USH2A: variants seen among roughly 807,000 people sequenced by gnomAD.
USH2A encodes the protein Usher syndrome 2A (autosomal recessive, mild).
In USH2A, 443 loss-of-function variants were observed where a neutral mutation model predicts 538.9. The ratio of observed to expected loss-of-function variants is 0.82; its 90% CI spans 0.76 to 0.89. The LOEUF (loss-of-function observed/expected upper bound fraction) is 0.89. Ranked by LOEUF, USH2A falls within the 40% of genes least tolerant of loss-of-function variation. The probability of loss-of-function intolerance (pLI) is 0.00; values close to 1 mark genes in which losing one functional copy is unlikely to be tolerated. For missense variants in USH2A, 6,633 were observed against 6,324.8 expected, an observed-to-expected ratio of 1.05 and a Z score of -1.65; for synonymous variants, 2,413 against 2,273.5, an observed-to-expected ratio of 1.06 and a Z score of -1.75.
intron 55 of USH2A, among the ~76,000 whole-genome samples, chr1:215,770,336 A>G (rs996763825): frequency 6.6e-6 from 1 of 152,118 alleles, no homozygotes; most frequent in African/African-American, 2.4e-5. Flanking sequence ...GGTAGAAACC[A>G]TTGCAGCTGC....
intron 32 of USH2A, among the ~76,000 whole-genome samples, chr1:216,004,218 G>A (rs1668338762): frequency 6.6e-6 from 1 of 152,262 alleles, no homozygotes; most frequent in African/African-American, 2.4e-5. Flanking sequence ...TACAGGAAGA[G>A]TTCATGGCTT....
rs114114470 is a variant in USH2A at position 215,701,927 on chromosome 1, T to G, written c.12067-21551A>C. 5.2e-3 allele frequency among the ~76,000 whole-genome samples: 793 copies of G among 152,226 alleles called. 7 individuals are homozygous for G. The highest frequency in any genetic ancestry group is 0.018 in the African/African-American group (754 of 41,528). On this transcript the variant is annotated intron_variant, in intron 61 of 71. Coordinates refer to ENST00000307340, the MANE Select transcript of USH2A (RefSeq NM_206933.4). ...TTGATAGTGTTGATCGTCTTTACATTTTGGTATGTTTCTGCAGTGGCTGGT... is the reference window on the plus strand; with the variant it reads ...TTGATAGTGTTGATCGTCTTTACATGTTGGTATGTTTCTGCAGTGGCTGGT...
At chr1:216,165,914 A>G (rs1173330591) in intron 21 of USH2A, among the ~76,000 whole-genome samples, 2 of 151,932 alleles carry the variant, frequency 1.3e-5, no homozygotes, top group Admixed American at 1.3e-4. Flanking sequence ...CATCACCTGA[A>G]CAGTGTACAC....
chr1:216,264,504 G>A (rs1284656920), intron 11 of USH2A, among the ~76,000 whole-genome samples: 1 of 152,046 alleles, frequency 6.6e-6, no homozygotes, highest in East Asian at 1.9e-4. Flanking sequence ...CGCCATGTTG[G>A]TCAGGCTGGT....
chr1:215,796,935 C>G (rs565309574), intron 50 of USH2A, among the ~76,000 whole-genome samples: 7 of 152,168 alleles, frequency 4.6e-5, no homozygotes, highest in Non-Finnish European at 1.0e-4. Flanking sequence ...TTCCCCTGGA[C>G]AGTATCTCTT....
chr1:215,897,200 G>A (rs1162771353), intron 40 of USH2A, among the ~76,000 whole-genome samples: 1 of 152,048 alleles, frequency 6.6e-6, no homozygotes, highest in Admixed American at 6.6e-5. Context: ...TGTGTCACAG[G>A]CTTGCTGAAA....
chr1:215,917,432 T>G (rs917294226), intron 38 of USH2A, among the ~76,000 whole-genome samples: 1 of 152,022 alleles, frequency 6.6e-6, no homozygotes, highest in Non-Finnish European at 1.5e-5. Flanking sequence ...ACAACAATAC[T>G]GTTCAATTAA....
At chr1:215,913,134 A>G (rs139117819) in intron 38 of USH2A, among the ~76,000 whole-genome samples, 65 of 152,212 alleles carry the variant, frequency 4.3e-4, no homozygotes, top group African/African-American at 1.6e-3. Flanking sequence ...ATATTCCCTG[A>G]AAAACTGATC....
chr1:215,793,800 C>T (rs563519258), intron 50 of USH2A, among the ~76,000 whole-genome samples: 36 of 152,244 alleles, frequency 2.4e-4, no homozygotes, highest in African/African-American at 8.4e-4. Flanking sequence ...TCAAAGGCCG[C>T]ATGGACAAAG....
intron 37 of USH2A, among the ~76,000 whole-genome samples, chr1:215,938,608 G>C (rs1196432265): frequency 6.6e-6 from 1 of 152,100 alleles, no homozygotes; most frequent in African/African-American, 2.4e-5. Context: ...TTCCTGTCTG[G>C]TTGGCCCTCC....
chr1:215,893,312 G>C (rs1665252058), intron 40 of USH2A, among the ~76,000 whole-genome samples: 1 of 152,084 alleles, frequency 6.6e-6, no homozygotes, highest in Non-Finnish European at 1.5e-5. Flanking sequence ...TTAATAACCA[G>C]CAGTTTTTAG....
At chr1:216,359,736 G>A (rs1468775565) in intron 4 of USH2A, among the ~76,000 whole-genome samples, 1 of 152,048 alleles carries the variant, frequency 6.6e-6, no homozygotes, top group Admixed American at 6.6e-5. Flanking sequence ...ATGTGCAAAT[G>A]ATAGGATTGT....
chr1:216,369,199 C>A (rs2038654984), intron 3 of USH2A, among the ~76,000 whole-genome samples: 1 of 152,054 alleles, frequency 6.6e-6, no homozygotes, highest in Non-Finnish European at 1.5e-5. Context: ...TAAAAAGATT[C>A]CACTATTCCA....
At chr1:216,097,528 C>G (rs981878369) in intron 21 of USH2A, among the ~76,000 whole-genome samples, 2 of 152,094 alleles carry the variant, frequency 1.3e-5, no homozygotes, top group African/African-American at 4.8e-5. Context: ...AATGTGAAAA[C>G]ATTATCAGAG....
rs375248093 is a variant in USH2A at position 216,277,798 on chromosome 1, TA to T, written c.1971+11481del. On this transcript the variant is annotated intron_variant, in intron 11 of 71. Transcript: ENST00000307340. ...ACACCTCTTTTGGACCAAAGCATTT[TA>T]AAAGTGGAAGTTGTTTTCCACATTG... 4.3e-3 allele frequency among the ~76,000 whole-genome samples: 656 copies of T among 152,070 alleles called. 7 individuals carry two copies. Among genetic ancestry groups the T allele is most frequent in the African/African-American group, 0.015 (627 of 41,404 alleles).
At chr1:215,723,385 C>A (rs1000745960) in intron 61 of USH2A, among the ~76,000 whole-genome samples, 1 of 152,190 alleles carries the variant, frequency 6.6e-6, no homozygotes, top group Non-Finnish European at 1.5e-5. Flanking sequence ...ACTGCCACCA[C>A]AAGCAGAATT....
intron 32 of USH2A, among the ~76,000 whole-genome samples, chr1:216,013,871 A>C: frequency 6.6e-6 from 1 of 152,288 alleles, no homozygotes; most frequent in East Asian, 1.9e-4. Flanking sequence ...CTCACATGAA[A>C]GTCACTACAA....
At chr1:215,979,228 C>G (rs796571604) in intron 35 of USH2A, among the ~76,000 whole-genome samples, 8 of 152,214 alleles carry the variant, frequency 5.3e-5, no homozygotes, top group African/African-American at 1.4e-4. Context: ...GAAAAACATG[C>G]CCCCCATAGT....
intron 37 of USH2A, among the ~76,000 whole-genome samples, chr1:215,961,200 G>A (rs1472782980): frequency 3.3e-5 from 5 of 151,948 alleles, no homozygotes; most frequent in Middle Eastern, 3.2e-3. Context: ...AGGTATCTGC[G>A]AGTGAAGTCT....
Sources: allele counts gnomAD v4.1 joint callset (sites outside exome capture counted in the v4.1 genomes callset), GRCh38; gene constraint gnomAD v4.1.1; transcripts MANE v1.5; gene names NCBI Gene and HGNC (gene_info 2026-07-23, HGNC 2026-07-21).